Variants in ELP6 observed in about 807,000 individuals in gnomAD.
ELP6 encodes elongator complex protein 6.
Under a neutral mutation model 28.1 loss-of-function variants are expected in ELP6, and 23 were observed. The ratio of observed to expected loss-of-function variants is 0.82; its 90% CI spans 0.59 to 1.16. ELP6 has a LOEUF of 1.16. ELP6 is among the 50% of genes most tolerant of loss of function. ELP6 has a pLI of 0.00. For synonymous variants in ELP6, 132 were observed against 135.8 expected, an observed-to-expected ratio of 0.97 and a Z score of 0.19; for missense variants, 313 against 334.6, an observed-to-expected ratio of 0.94 and a Z score of 0.50.
chr3:47,503,144 A>C lies in ELP6; in HGVS notation c.323+1186T>G, dbSNP rs148769376. On this transcript the variant is annotated intron_variant, in intron 4 of 6. Coordinates refer to ENST00000296149, the MANE Select transcript of ELP6 (RefSeq NM_001031703.3). ...CCATACCTTGGGATGAGGTATAACC[A>C]GCCCCTGCCTTCAAATGAGGAAACC... The C allele has an allele frequency of 3.3e-4, 373 of 1,146,476 alleles. 2 individuals carry two copies. The African/African-American group carries it at 5.5e-3, about 17-fold the overall frequency. 71.0% of individuals were successfully genotyped at this position (1,146,476 alleles called of 1,614,324 possible).
At chr3:47,503,054 T>C in intron 4 of ELP6, 1 of 1,026,638 alleles carries the variant, frequency 9.7e-7, no homozygotes, top group Non-Finnish European at 1.2e-6. Context: ...ACTGGCCTAC[T>C]GCCTTATGCT....
intron 6 of ELP6, chr3:47,497,020 G>T: frequency 1.0e-6 from 1 of 985,060 alleles, no homozygotes; most frequent in Non-Finnish European, 1.2e-6. Flanking sequence ...ACATAGTACT[G>T]CTGGGCTTGG....
intron 5 of ELP6, chr3:47,499,733 A>G (rs1362921197): frequency 9.9e-6 from 10 of 1,005,528 alleles, no homozygotes; most frequent in Non-Finnish European, 2.4e-6. Context: ...ATAAAAAAGA[A>G]AAAGAATAAG....
Position 47,501,819 on chromosome 3 carries a change from A to G in ELP6, c.356T>C (p.Phe119Ser), listed in dbSNP as rs1708666759. The G allele has an allele frequency of 6.2e-7, 1 of 1,613,880 alleles. No individual in the cohort carries two copies. The highest frequency in any genetic ancestry group is 8.5e-7 in the Non-Finnish European group (1 of 1,179,956). ...CTTCAGGGCCTCCCGTACAAACTCAAACAATGGTTTCAAGTTCCCAGCATT... is the reference window on the plus strand; with the variant it reads ...CTTCAGGGCCTCCCGTACAAACTCAGACAATGGTTTCAAGTTCCCAGCATT... ...EANAGNLKPL[F>S]EFVREALKPV... The change falls in exon 5 of 7, where the codon TTT (phenylalanine) becomes TCT (serine). Residue 119 changes from phenylalanine to serine, a missense_variant. Phe to Ser is a radical substitution (Grantham distance 155). Transcript: ENST00000296149.
chr3:47,502,378 T>C (rs1326481973), intron 4 of ELP6: 1 of 968,042 alleles, frequency 1.0e-6, no homozygotes. Flanking sequence ...ATCATCCCAC[T>C]GCACTCCAAC....
chr3:47,513,121 G>A, intron 1 of ELP6: 2 of 858,924 alleles, frequency 2.3e-6, no homozygotes, highest in Middle Eastern at 5.8e-4. Context: ...CTCCCGAGTA[G>A]CTGAGATTAC....
intron 4 of ELP6, among the ~76,000 whole-genome samples, chr3:47,503,685 G>A (rs909077357): frequency 1.3e-5 from 2 of 152,014 alleles, no homozygotes; most frequent in South Asian, 2.1e-4. Flanking sequence ...GGCGGATCAC[G>A]AGGTCAGGAG....
intron 3 of ELP6, 108 bp from the exon 4 acceptor site, chr3:47,504,556 T>G: frequency 7.1e-7 from 1 of 1,408,522 alleles, no homozygotes; most frequent in Non-Finnish European, 9.3e-7. Flanking sequence ...GGCAGAAGTG[T>G]ATCTGATCAC....
At chr3:47,509,859 T>G in intron 3 of ELP6, 1 of 177,434 alleles carries the variant, frequency 5.6e-6, no homozygotes, top group Non-Finnish European at 1.2e-5. Context: ...GCTCCCGGGT[T>G]CAAGCGATTT....
chr3:47,512,733 C>T (rs935363227), intron 1 of ELP6: 1 of 973,048 alleles, frequency 1.0e-6, no homozygotes, highest in Non-Finnish European at 1.2e-6. Flanking sequence ...TCTAACAGTT[C>T]TATTAGAGAT....
Position 47,495,947 on chromosome 3 carries a change from AG to A in ELP6, c.*121del. On this transcript the variant is annotated 3_prime_UTR_variant, in exon 7 of 7. Coordinates refer to ENST00000296149, the MANE Select transcript of ELP6 (RefSeq NM_001031703.3). ...CTGCAGCACTCAACCCTCTGGTCAC[AG>A]TGGAGTCGCCGGTCCAGCCTGAAAT... 1 of 1,545,468 alleles carries A rather than the reference AG, an allele frequency of 6.5e-7. No homozygotes were observed. The highest frequency in any genetic ancestry group is 1.2e-5 in the South Asian group (1 of 85,870).
chr3:47,500,001 G>C (rs537753088), intron 5 of ELP6: 2 of 1,316,218 alleles, frequency 1.5e-6, no homozygotes, highest in Admixed American at 4.4e-5. Context: ...ACACACTGGC[G>C]GGTAAATATG....
Position 47,496,303 on chromosome 3 carries a change from A to G in ELP6, c.673-106T>C, listed in dbSNP as rs540130772. The G allele has an allele frequency of 1.6e-5, 24 of 1,458,386 alleles. No individual in the cohort carries two copies. The Admixed American group carries it at 2.0e-4, about 12-fold the overall frequency. The allele number at this position is 1,458,386 out of a possible 1,614,324, so 90.3% of individuals were successfully genotyped here. A position where few individuals can be genotyped will look rare whatever the true frequency, so the allele number is the denominator to read the frequency against. On this transcript the variant is annotated intron_variant, in intron 6 of 6. Coordinates refer to ENST00000296149, the MANE Select transcript of ELP6 (RefSeq NM_001031703.3). ...GCCCTTCAGCTGAGGCCTCTATGAG[A>G]TGATAGTCAGATGTGCCATCTGGTA... is the stretch of plus-strand genomic sequence containing the variant.
At chr3:47,513,488 C>A (rs376118253) in intron 1 of ELP6, 49 bp downstream of exon 1, 2 of 1,595,726 alleles carry the variant, frequency 1.3e-6, no homozygotes, top group South Asian at 2.2e-5. Flanking sequence ...ATGCAGTATT[C>A]CGCTGCCCTG....
intron 5 of ELP6, 52 bp downstream of exon 5, chr3:47,501,598 C>T: frequency 6.4e-7 from 1 of 1,569,472 alleles, no homozygotes. Context: ...CTGGACCTGT[C>T]TGAGTTCTTG....
chr3:47,506,888 T>C (rs939367973), intron 3 of ELP6, among the ~76,000 whole-genome samples: 1 of 152,198 alleles, frequency 6.6e-6, no homozygotes, highest in African/African-American at 2.4e-5. Context: ...CAATCCACGT[T>C]CTTCTGCCAT....
intron 3 of ELP6, 114 bp from the exon 4 acceptor site, chr3:47,504,562 A>G: frequency 1.4e-6 from 2 of 1,401,684 alleles, no homozygotes; most frequent in Non-Finnish European, 1.9e-6. Flanking sequence ...AGTGTATCTG[A>G]TCACCCAATG....
intron 1 of ELP6, chr3:47,511,485 T>C: frequency 1.6e-6 from 2 of 1,267,058 alleles, no homozygotes; most frequent in Non-Finnish European, 1.0e-6. Flanking sequence ...AAACAGAGAA[T>C]AAACTTATTT....
chr3:47,513,512 C>A, intron 1 of ELP6, 25 bp downstream of exon 1: 2 of 1,609,344 alleles, frequency 1.2e-6, no homozygotes, highest in Non-Finnish European at 8.5e-7. Flanking sequence ...GGTCCCGCCC[C>A]CTTCCGGCCA....
Sources: allele counts gnomAD v4.1 joint callset (sites outside exome capture counted in the v4.1 genomes callset), GRCh38; gene constraint gnomAD v4.1.1; transcripts MANE v1.5; gene names NCBI Gene and HGNC (gene_info 2026-07-23, HGNC 2026-07-21).